The following GLIS3 variants were observed in gnomAD, a reference collection of about 807,000 sequenced individuals.
The protein encoded by GLIS3 is zinc finger protein GLIS3.
Under a neutral mutation model 78.6 loss-of-function variants are expected in GLIS3, and 53 were observed. The ratio of observed to expected loss-of-function variants is 0.67; its 90% CI spans 0.54 to 0.85. The LOEUF is 0.85. Ranked by LOEUF, GLIS3 falls within the 40% of genes least tolerant of loss-of-function variation. GLIS3 has a pLI of 0.00. For synonymous variants in GLIS3, 684 were observed against 509.9 expected, an observed-to-expected ratio of 1.34 and a Z score of -4.60; for missense variants, 1,703 against 1,231.1, an observed-to-expected ratio of 1.38 and a Z score of -5.74.
At chr9:4,372,585 G>A in the GLIS3 span, among the ~76,000 whole-genome samples, 3 of 150,768 alleles carry the variant, frequency 2.0e-5, no homozygotes, top group East Asian at 3.9e-4. Flanking sequence ...CACACAGCGC[G>A]TGCACCTAAA....
chr9:4,037,547 A>AACACAC (rs56254712), intron 4 of GLIS3, among the ~76,000 whole-genome samples: 5,526 of 147,428 alleles, frequency 0.037, 126 homozygotes, highest in Middle Eastern at 0.073. Flanking sequence ...GTGTGCACAC[A>AACACAC]ACACACACAC....
intron 2 of GLIS3, among the ~76,000 whole-genome samples, chr9:4,151,732 T>A (rs1463537050): frequency 6.6e-6 from 1 of 152,208 alleles, no homozygotes; most frequent in Non-Finnish European, 1.5e-5. Context: ...GCGCTCTTCA[T>A]TATGTCTATG....
the GLIS3 span, among the ~76,000 whole-genome samples, chr9:4,428,267 C>T: frequency 1.3e-5 from 2 of 151,776 alleles, no homozygotes; most frequent in Admixed American, 1.3e-4. Flanking sequence ...TCACTTGAGG[C>T]CAGGAGTTCA....
chr9:4,420,402 T>C, the GLIS3 span, among the ~76,000 whole-genome samples: 19,663 of 152,204 alleles, frequency 0.13, 1,586 homozygotes, highest in South Asian at 0.23. Flanking sequence ...AGAAGGATAA[T>C]TAGATGATTA....
intron 2 of GLIS3, among the ~76,000 whole-genome samples, chr9:4,204,573 G>C (rs1420982797): frequency 6.6e-6 from 1 of 152,120 alleles, no homozygotes; most frequent in Non-Finnish European, 1.5e-5. Flanking sequence ...GAACCAGGGA[G>C]GTTGAACACA....
intron 4 of GLIS3, among the ~76,000 whole-genome samples, chr9:4,059,062 G>C (rs1375184764): frequency 6.6e-6 from 1 of 152,056 alleles, no homozygotes; most frequent in Non-Finnish European, 1.5e-5. Flanking sequence ...AGGGGACCCT[G>C]AGTCATCTAA....
chr9:3,930,322 A>G (rs1032326840), intron 6 of GLIS3, among the ~76,000 whole-genome samples: 2 of 152,230 alleles, frequency 1.3e-5, no homozygotes, highest in African/African-American at 2.4e-5. Context: ...GTCTCCATTT[A>G]CATAAGACAA....
At chr9:4,456,086 C>T in the GLIS3 span, among the ~76,000 whole-genome samples, 11 of 151,626 alleles carry the variant, frequency 7.3e-5, no homozygotes, top group South Asian at 1.5e-3. Flanking sequence ...CCAGCCTGGG[C>T]GACAGAGTGA....
chr9:3,999,923 A>C (rs1361351348), intron 4 of GLIS3, among the ~76,000 whole-genome samples: 1 of 152,200 alleles, frequency 6.6e-6, no homozygotes, highest in Admixed American at 6.5e-5. Context: ...ATGGAAAAGA[A>C]TAGGGGTCCC....
intron 7 of GLIS3, chr9:3,898,287 G>T: frequency 3.8e-6 from 1 of 265,698 alleles, no homozygotes; most frequent in Non-Finnish European, 7.4e-6. Context: ...AATTTCCTTA[G>T]AGACCTGGGG....
chr9:4,330,478 CCAGT>C (rs1442164487), intron 2 of GLIS3, among the ~76,000 whole-genome samples: 1 of 152,122 alleles, frequency 6.6e-6, no homozygotes, highest in African/African-American at 2.4e-5. Flanking sequence ...AGCGAAAGAC[CCAGT>C]CAGTCAAAGA....
upstream of GLIS3, among the ~76,000 whole-genome samples, chr9:4,349,079 G>A (rs1817929452): frequency 6.6e-6 from 1 of 152,118 alleles, no homozygotes; most frequent in Non-Finnish European, 1.5e-5. Flanking sequence ...CATAAAAATA[G>A]GAGAATGCAA....
intron 9 of GLIS3, among the ~76,000 whole-genome samples, chr9:3,848,903 G>T (rs534154806): frequency 6.6e-5 from 10 of 152,296 alleles, no homozygotes; most frequent in African/African-American, 2.4e-4. Context: ...GAGCTGACTG[G>T]CCTGCTTTAG....
chr9:4,368,324 C>A, the GLIS3 span, among the ~76,000 whole-genome samples: 3 of 149,430 alleles, frequency 2.0e-5, no homozygotes, highest in Non-Finnish European at 4.4e-5. Flanking sequence ...GGGTAGGGAG[C>A]GCACAAGAAC....
the GLIS3 span, among the ~76,000 whole-genome samples, chr9:4,364,478 A>G: frequency 2.0e-5 from 3 of 152,168 alleles, no homozygotes; most frequent in Non-Finnish European, 4.4e-5. Context: ...ATTGTATGCT[A>G]CCAATTAAAA....
intron 2 of GLIS3, among the ~76,000 whole-genome samples, chr9:4,217,752 C>A (rs1326752003): frequency 6.6e-6 from 1 of 152,230 alleles, no homozygotes; most frequent in South Asian, 2.1e-4. Context: ...AAAAATAACT[C>A]CTCATTTTCA....
chr9:4,401,758 A>AT, the GLIS3 span, among the ~76,000 whole-genome samples: 12,431 of 148,730 alleles, frequency 0.084, 882 homozygotes, highest in East Asian at 0.31. Context: ...TGCCCAGCTA[A>AT]TTTTTTTTTT....
intron 9 of GLIS3, among the ~76,000 whole-genome samples, chr9:3,835,514 G>A (rs749369629): frequency 2.0e-5 from 3 of 152,186 alleles, no homozygotes; most frequent in East Asian, 1.9e-4. Flanking sequence ...AGGGATCCAG[G>A]CTAAGTGCTA....
chr9:4,349,136 T>C (rs1236526324), upstream of GLIS3, among the ~76,000 whole-genome samples: 5 of 152,240 alleles, frequency 3.3e-5, no homozygotes, highest in Non-Finnish European at 5.9e-5. Flanking sequence ...ATCCCTCAAC[T>C]TTCAACTTAA....
Sources: gnomAD v4.1 joint callset for allele counts (sites outside exome capture counted in the v4.1 genomes callset) on GRCh38, gnomAD v4.1.1 for gene constraint, MANE v1.5 for transcripts, NCBI Gene and HGNC (gene_info 2026-07-23, HGNC 2026-07-21) for gene names.